Variants in PCDHGB2 observed in about 807,000 individuals in gnomAD.
PCDHGB2 encodes the protein protocadherin gamma subfamily B, 2, also known as protocadherin gamma-B2.
Under a neutral mutation model 59.3 loss-of-function variants are expected in PCDHGB2, and 55 were observed. The ratio of observed to expected loss-of-function variants is 0.93; its 90% CI spans 0.75 to 1.16. The LOEUF (loss-of-function observed/expected upper bound fraction) is 1.16. Ranked by LOEUF, PCDHGB2 falls within the 50% of genes most tolerant of loss-of-function variation. The pLI is 0.00. For missense variants in PCDHGB2, 1,228 were observed against 1,198.5 expected, an observed-to-expected ratio of 1.02 and a Z score of -0.36; for synonymous variants, 516 against 512.0, an observed-to-expected ratio of 1.01 and a Z score of -0.11.
intron 1 of PCDHGB2, among the ~76,000 whole-genome samples, chr5:141,484,535 A>G (rs2099597486): frequency 6.6e-6 from 1 of 152,178 alleles, no homozygotes. Flanking sequence ...AGTATATGGC[A>G]GTGGTTCTAA....
At chr5:141,366,288 C>G (rs1020562585) in intron 1 of PCDHGB2, 1 of 1,613,748 alleles carries the variant, frequency 6.2e-7, no homozygotes, top group Non-Finnish European at 8.5e-7. Flanking sequence ...GGCCAGCCCC[C>G]TCTGTCAGCC....
chr5:141,478,956 T>C (rs2099484450), intron 1 of PCDHGB2, among the ~76,000 whole-genome samples: 1 of 152,200 alleles, frequency 6.6e-6, no homozygotes. Context: ...AACTACCTCA[T>C]TCCTCCACCT....
Position 141,485,400 on chromosome 5 carries a change from G to A in PCDHGB2, c.2422-9407G>A. On this transcript the variant is annotated intron_variant, in intron 1 of 3. Transcript: ENST00000522605. The surrounding 1 kb of genome is among the most constrained non-coding windows in gnomAD (Gnocchi z 5.7). ...GGAGAGGTGAACCAAAGACACTTCC[G>A]TGTGGATTTGGACAGCGGAGCCCTG... is the stretch of plus-strand genomic sequence containing the variant. The A allele has an allele frequency of 6.2e-7, 1 of 1,614,076 alleles. No homozygotes were observed. The highest frequency in any genetic ancestry group is 8.5e-7 in the Non-Finnish European group (1 of 1,179,948).
rs146734417 is a variant in PCDHGB2, at chr5:141,431,409, G to T, written c.2422-63398G>T. The T allele has an allele frequency of 1.9e-6, 3 of 1,613,722 alleles. No homozygotes were observed. Among genetic ancestry groups the T allele is most frequent in the Non-Finnish European group, 2.5e-6 (3 of 1,180,048 alleles). On this transcript the variant is annotated intron_variant, in intron 1 of 3. Transcript: ENST00000522605. This position sits in a 1 kb window ranked among gnomAD's most constrained non-coding sequence, Gnocchi z 4.8. Reference sequence around the variant, plus strand: ...CACCTGGTCCTTACGGCCTCCGACGGGGGCGACCCGGTGCGCACAGGCACC... The same window carrying T: ...CACCTGGTCCTTACGGCCTCCGACGTGGGCGACCCGGTGCGCACAGGCACC...
Position 141,489,358 on chromosome 5 carries a change from G to C in PCDHGB2, c.2422-5449G>C. 1 of 1,613,144 alleles carries C rather than the reference G, an allele frequency of 6.2e-7. No homozygotes were observed. The highest frequency in any genetic ancestry group is 1.7e-4 in the Middle Eastern group (1 of 6,052). On this transcript the variant is annotated intron_variant, in intron 1 of 3. Coordinates refer to ENST00000522605, the MANE Select transcript of PCDHGB2 (RefSeq NM_018923.3). The surrounding 1 kb of genome is among the most constrained non-coding windows in gnomAD (Gnocchi z 4.5). ...TCGTTACTCAGTGGTGGAGGAGTCT[G>C]AGCCGGGGACGCTGGTGGGGAATGT...
intron 1 of PCDHGB2, among the ~76,000 whole-genome samples, chr5:141,401,929 G>C (rs2094209014): frequency 6.6e-6 from 1 of 152,122 alleles, no homozygotes; most frequent in Non-Finnish European, 1.5e-5. Context: ...GTGATGCTTA[G>C]AATAATGTTT....
At chr5:141,498,264 C>A (rs1272117057) in intron 2 of PCDHGB2, among the ~76,000 whole-genome samples, 2 of 152,016 alleles carry the variant, frequency 1.3e-5, no homozygotes, top group Admixed American at 1.3e-4. Context: ...GTGTTGAGTT[C>A]TTCAGTAAAC....
chr5:141,406,159 A>G (rs1237857279), intron 1 of PCDHGB2, among the ~76,000 whole-genome samples: 3 of 151,234 alleles, frequency 2.0e-5, no homozygotes, highest in Non-Finnish European at 2.9e-5. Context: ...TGCAGTCTCA[A>G]TCTCCTGGGC....
At chr5:141,408,527 G>A in intron 1 of PCDHGB2, 1 of 1,614,072 alleles carries the variant, frequency 6.2e-7, no homozygotes, top group South Asian at 1.1e-5. Flanking sequence ...ATTGGAAGCT[G>A]TGGTGGAAAA....
intron 1 of PCDHGB2, chr5:141,398,414 G>A (rs373274513): frequency 1.2e-4 from 186 of 1,488,072 alleles, no homozygotes; most frequent in Non-Finnish European, 1.6e-4. Context: ...GAGGAGATAT[G>A]CGGGAAGAAG....
At chr5:141,374,428 T>A in intron 1 of PCDHGB2, 16 of 1,613,952 alleles carry the variant, frequency 9.9e-6, no homozygotes, top group Non-Finnish European at 1.4e-5. Context: ...ATAAACTGAA[T>A]CTTTATCCCG....
At chr5:141,419,586 A>T (rs1440548961) in intron 1 of PCDHGB2, 1 of 1,611,696 alleles carries the variant, frequency 6.2e-7, no homozygotes, top group Non-Finnish European at 8.5e-7. Context: ...GCGCTCTTCG[A>T]CACAGTGCCG....
rs748189764 is a variant in PCDHGB2 at position 141,404,578 on chromosome 5, T to G, written c.2421+42022T>G. 1.9e-6 allele frequency: 3 copies of G among 1,613,950 alleles called. No homozygotes were observed. The Admixed American group carries it at 5.0e-5, about 27-fold the overall frequency. On this transcript the variant is annotated intron_variant, in intron 1 of 3. Coordinates refer to ENST00000522605, the MANE Select transcript of PCDHGB2 (RefSeq NM_018923.3). ...CAAGTGACAGTGGAAGCCCACCACTTAGCAGCAATGTGTCATTGAGACTGT... is the reference window on the plus strand; with the variant it reads ...CAAGTGACAGTGGAAGCCCACCACTGAGCAGCAATGTGTCATTGAGACTGT...
chr5:141,409,447 A>C, intron 1 of PCDHGB2: 1 of 1,614,008 alleles, frequency 6.2e-7, no homozygotes, highest in Non-Finnish European at 8.5e-7. Context: ...GAGAGCAGAC[A>C]CCAGAATACA....
At chr5:141,413,561 A>G in intron 1 of PCDHGB2, 1 of 1,613,924 alleles carries the variant, frequency 6.2e-7, no homozygotes. Flanking sequence ...GAAGTAACTG[A>G]TATCAATGAC....
At chr5:141,371,025 G>A (rs752262300) in intron 1 of PCDHGB2, 1 of 1,613,988 alleles carries the variant, frequency 6.2e-7, no homozygotes, top group Non-Finnish European at 8.5e-7. Flanking sequence ...TCACCACCTG[G>A]TCCTCACAGC....
intron 1 of PCDHGB2, chr5:141,419,070 T>G: frequency 6.2e-7 from 1 of 1,613,926 alleles, no homozygotes; most frequent in Non-Finnish European, 8.5e-7. Context: ...TACTACAAGC[T>G]AGTAACAGAT....
At chr5:141,365,572 G>A (rs543051313) in intron 1 of PCDHGB2, 3 of 1,613,640 alleles carry the variant, frequency 1.9e-6, no homozygotes, top group Admixed American at 3.3e-5. Flanking sequence ...ACAGAGAAGA[G>A]ACTTCAGATT....
intron 1 of PCDHGB2, chr5:141,421,280 G>A (rs564480755): frequency 1.2e-6 from 2 of 1,612,948 alleles, no homozygotes; most frequent in South Asian, 2.2e-5. Context: ...CTGCTGCTGT[G>A]CATTTTCCTG....
Sources: gnomAD v4.1 joint callset for allele counts (sites outside exome capture counted in the v4.1 genomes callset) on GRCh38, gnomAD v4.1.1 for gene constraint, Gnocchi (gnomAD v3.1) non-coding constraint, MANE v1.5 for transcripts, NCBI Gene and HGNC (gene_info 2026-07-23, HGNC 2026-07-21) for gene names.